DNAJC3: variants seen among roughly 807,000 people sequenced by gnomAD.
The protein encoded by DNAJC3 is DnaJ heat shock protein family (Hsp40) member C3, also known as dnaJ homolog subfamily C member 3.
DNAJC3 carries 38 observed loss-of-function variants against 68.6 expected under a neutral mutation model. That is an observed-to-expected ratio of 0.55 (90% CI 0.43 to 0.73). The LOEUF (loss-of-function observed/expected upper bound fraction) is 0.73. Among genes scored for constraint, DNAJC3 ranks in the 30% least tolerant of loss-of-function variants. DNAJC3 has a pLI of 0.00. For missense variants in DNAJC3, 526 were observed against 591.9 expected (o/e 0.89, Z 1.16); for synonymous variants, 203 against 204.0 (o/e 1.00, Z 0.04).
intron 6 of DNAJC3, 100 bp downstream of exon 6, chr13:95,760,321 G>T: frequency 9.3e-7 from 1 of 1,074,530 alleles, no homozygotes. Flanking sequence ...ATAAGATGAT[G>T]GTAGTTAAGG....
rs1439149063 is a variant in DNAJC3, at chr13:95,702,878, C to T, written c.83-6349C>T. Among the ~76,000 whole-genome samples, 2 of 152,280 alleles carry T rather than the reference C, an allele frequency of 1.3e-5. 1 individual carries two copies. Among genetic ancestry groups the T allele is most frequent in the South Asian group, 4.1e-4 (2 of 4,828 alleles). On this transcript the variant is annotated intron_variant, in intron 1 of 11. Coordinates refer to ENST00000602402, the MANE Select transcript of DNAJC3 (RefSeq NM_006260.5). The stretch of plus-strand genomic sequence containing the variant: ...CTCCTGGTTCCATCAGTCACGTATC[C>T]ATCACTGGCTACATAAATTACTACT...
intron 1 of DNAJC3, among the ~76,000 whole-genome samples, chr13:95,696,506 G>C (rs1036085904): frequency 6.6e-6 from 1 of 152,024 alleles, no homozygotes; most frequent in African/African-American, 2.4e-5. Context: ...TCATGCATTT[G>C]GTATTTTTAA....
chr13:95,689,301 T>C (rs1002879008), intron 1 of DNAJC3, among the ~76,000 whole-genome samples: 4 of 151,914 alleles, frequency 2.6e-5, no homozygotes, highest in African/African-American at 4.8e-5. Context: ...TATTCAGGAT[T>C]TCTGTTTCTT....
At chr13:95,789,142 T>C (rs1883686737) in intron 11 of DNAJC3, among the ~76,000 whole-genome samples, 1 of 152,224 alleles carries the variant, frequency 6.6e-6, no homozygotes, top group Non-Finnish European at 1.5e-5. Flanking sequence ...AAAACCTAGC[T>C]ATATGCTAAG....
At chr13:95,678,018 A>G (rs1266075333) in intron 1 of DNAJC3, among the ~76,000 whole-genome samples, 2 of 152,220 alleles carry the variant, frequency 1.3e-5, no homozygotes, top group Non-Finnish European at 2.9e-5. Context: ...GTTCGCTGTA[A>G]AAAGGTTCCC....
At chr13:95,781,004 A>C (rs1435427793) in intron 9 of DNAJC3, among the ~76,000 whole-genome samples, 1 of 151,952 alleles carries the variant, frequency 6.6e-6, no homozygotes, top group African/African-American at 2.4e-5. Context: ...TGTGCTGGGG[A>C]GCTCAGGGCA....
chr13:95,737,941 CT>C (rs1881986032), intron 4 of DNAJC3, among the ~76,000 whole-genome samples: 1 of 98,070 alleles, frequency 1.0e-5, no homozygotes, highest in Admixed American at 1.1e-4. Flanking sequence ...ATCTTTCCTG[CT>C]TTCTCTTGTG....
At chr13:95,682,300 A>G (rs1879935752) in intron 1 of DNAJC3, among the ~76,000 whole-genome samples, 1 of 151,932 alleles carries the variant, frequency 6.6e-6, no homozygotes, top group African/African-American at 2.4e-5. Flanking sequence ...CTCATTCCTC[A>G]TATTCTAAGT....
intron 4 of DNAJC3, among the ~76,000 whole-genome samples, chr13:95,748,561 A>G (rs1312028224): frequency 2.0e-5 from 3 of 152,216 alleles, no homozygotes; most frequent in East Asian, 3.8e-4. Flanking sequence ...CACGCCTGTA[A>G]TCCCAGCACT....
At chr13:95,680,364 C>G (rs996247669) in intron 1 of DNAJC3, among the ~76,000 whole-genome samples, 1 of 152,016 alleles carries the variant, frequency 6.6e-6, no homozygotes, top group South Asian at 2.1e-4. Context: ...AAAATCTATA[C>G]GTATAAAATA....
At chr13:95,764,365 C>CTATA (rs1253861012) in intron 9 of DNAJC3, among the ~76,000 whole-genome samples, 2 of 142,172 alleles carry the variant, frequency 1.4e-5, no homozygotes, top group African/African-American at 5.7e-5. Flanking sequence ...CTCTCTCTCT[C>CTATA]TCTCTCTCTC....
chr13:95,722,414 A>G (rs1881351267), intron 2 of DNAJC3, among the ~76,000 whole-genome samples: 1 of 152,140 alleles, frequency 6.6e-6, no homozygotes, highest in Non-Finnish European at 1.5e-5. Flanking sequence ...TGCATAGTCC[A>G]CATTCTTAGT....
chr13:95,700,229 G>A (rs1364418954), intron 1 of DNAJC3, among the ~76,000 whole-genome samples: 1 of 152,110 alleles, frequency 6.6e-6, no homozygotes, highest in African/African-American at 2.4e-5. Context: ...GGGATTACAG[G>A]TCTGCATCAC....
At chr13:95,785,068 G>A (rs1475723459) in intron 9 of DNAJC3, among the ~76,000 whole-genome samples, 7 of 152,202 alleles carry the variant, frequency 4.6e-5, no homozygotes, top group East Asian at 1.9e-4. Context: ...GTTTGTAATA[G>A]TGTTAAAGCC....
At chr13:95,731,739 A>C (rs937920915) in intron 4 of DNAJC3, among the ~76,000 whole-genome samples, 5 of 151,746 alleles carry the variant, frequency 3.3e-5, no homozygotes, top group African/African-American at 1.2e-4. Flanking sequence ...TGGTGCGGAC[A>C]TGACTCGCTG....
intron 1 of DNAJC3, among the ~76,000 whole-genome samples, chr13:95,682,041 C>T (rs536629697): frequency 7.2e-5 from 11 of 152,310 alleles, no homozygotes; most frequent in Middle Eastern, 3.4e-3. Flanking sequence ...GTTGCTCCTA[C>T]AGTTGTATCT....
chr13:95,677,265 C>A lies in DNAJC3; in HGVS notation c.10C>A (p.Pro4Thr). MVAPGSVTSRLGSV... is the reference protein window; with the variant it reads MVATGSVTSRLGSV... ...TCGCGAGCCCTCGGACATGGTGGCC[C>A]CCGGCTCCGTGACCAGCCGGCTGGG... Residue 4 changes from proline to threonine, a missense_variant, in exon 1 of 12, where the codon CCC becomes ACC. Transcript: ENST00000602402. 1 of 1,603,412 alleles carries A rather than the reference C, an allele frequency of 6.2e-7. No individual in the cohort carries two copies. Among genetic ancestry groups the A allele is most frequent in the Non-Finnish European group, 8.5e-7 (1 of 1,175,990 alleles).
chr13:95,794,160 G>C lies in DNAJC3; in HGVS notation c.*3130G>C, dbSNP rs1883888435. 6.6e-6 allele frequency: 1 copy of C among 152,016 alleles called. No homozygotes were observed. Among genetic ancestry groups the C allele is most frequent in the Non-Finnish European group, 1.5e-5 (1 of 67,992 alleles). 9.4% of individuals were successfully genotyped at this position (152,016 alleles called of 1,614,324 possible). ...ATTGGTATGAAAACAAATTTTTGTT[G>C]CCCTGATAATGGAATTTTAAAACTA... On this transcript the variant is annotated 3_prime_UTR_variant, in exon 12 of 12. Coordinates refer to ENST00000602402, the MANE Select transcript of DNAJC3 (RefSeq NM_006260.5).
At chr13:95,736,009 G>A (rs1425546749) in intron 4 of DNAJC3, among the ~76,000 whole-genome samples, 1 of 152,126 alleles carries the variant, frequency 6.6e-6, no homozygotes, top group African/African-American at 2.4e-5. Context: ...TAAGGTGTAA[G>A]GAAGGGATCC....
Sources: allele counts gnomAD v4.1 joint callset (sites outside exome capture counted in the v4.1 genomes callset), GRCh38; gene constraint gnomAD v4.1.1; transcripts MANE v1.5; gene names NCBI Gene and HGNC (gene_info 2026-07-23, HGNC 2026-07-21).